LRP2: variants seen among roughly 807,000 people sequenced by gnomAD.
The protein encoded by LRP2 is low-density lipoprotein receptor-related protein 2.
Under a neutral mutation model 531.0 loss-of-function variants are expected in LRP2, and 172 were observed. The ratio of observed to expected loss-of-function variants is 0.32; its 90% CI spans 0.29 to 0.37. LRP2 has a LOEUF of 0.37. LRP2 is among the 10% of genes least tolerant of loss of function. The pLI, the probability that LRP2 is intolerant of heterozygous loss-of-function variation, is 1.00. For missense variants in LRP2, 5,167 were observed against 5,868.3 expected (o/e 0.88, Z 3.90); for synonymous variants, 1,992 against 2,027.6 (o/e 0.98, Z 0.47).
At chr2:169,234,894 T>C (rs1306422496) in intron 29 of LRP2, among the ~76,000 whole-genome samples, 2 of 148,756 alleles carry the variant, frequency 1.3e-5, no homozygotes, top group Admixed American at 6.8e-5. Context: ...CTGAGAAATA[T>C]AAATCTAGTT....
intron 34 of LRP2, among the ~76,000 whole-genome samples, chr2:169,217,006 T>C (rs562750973): frequency 2.0e-5 from 3 of 152,298 alleles, no homozygotes; most frequent in African/African-American, 7.2e-5. Context: ...CATGCTGTTA[T>C]GGGGTAAGGA....
At chr2:169,286,877 C>T (rs559655902) in intron 9 of LRP2, among the ~76,000 whole-genome samples, 41 of 152,246 alleles carry the variant, frequency 2.7e-4, no homozygotes, top group African/African-American at 9.9e-4. Context: ...GAGAATGTGG[C>T]TTCTGGTATT....
At chr2:169,282,751 T>G in intron 10 of LRP2, 122 bp downstream of exon 10, 2 of 1,087,986 alleles carry the variant, frequency 1.8e-6, no homozygotes, top group Non-Finnish European at 2.8e-6. Flanking sequence ...ATCCCTGATT[T>G]GTAATGATAA....
intron 65 of LRP2, among the ~76,000 whole-genome samples, chr2:169,154,982 C>T (rs944051446): frequency 2.0e-5 from 3 of 152,168 alleles, no homozygotes; most frequent in African/African-American, 7.2e-5. Context: ...AGAAGAAATA[C>T]TTTTATAGTC....
chr2:169,358,124 A>C (rs983821078), intron 1 of LRP2, among the ~76,000 whole-genome samples: 6 of 152,234 alleles, frequency 3.9e-5, no homozygotes, highest in Non-Finnish European at 8.8e-5. Flanking sequence ...TCTGCTTATC[A>C]GACTGTGCCT....
intron 46 of LRP2, among the ~76,000 whole-genome samples, chr2:169,194,155 A>C (rs1301827262): frequency 6.6e-6 from 1 of 152,212 alleles, no homozygotes; most frequent in East Asian, 1.9e-4. Context: ...TGGTAGAGAA[A>C]GAACACTTCT....
rs768869994 is a variant in LRP2 at position 169,168,621 on chromosome 2, G to A, written c.11553C>T (p.Asn3851=). 111 of 1,614,000 alleles carry A rather than the reference G, an allele frequency of 6.9e-5. No individual in the cohort carries two copies. The highest frequency in any genetic ancestry group is 1.6e-4 in the Middle Eastern group (1 of 6,084). ...TCCAATATGGCGGGATACAAACATG[G>A]TTTTTGCATTCGAACATAGTAGCCT... ...YCQATMFECK[N]HVCIPPYWKC... The change falls in exon 61 of 79, where the codon AAC becomes AAT. Residue 3851 remains asparagine (N), a synonymous_variant. Transcript: ENST00000649046.
intron 46 of LRP2, 127 bp downstream of exon 46, chr2:169,196,784 A>G: frequency 7.6e-7 from 1 of 1,316,228 alleles, no homozygotes; most frequent in Non-Finnish European, 1.1e-6. Flanking sequence ...AGCATTCCAG[A>G]TGAAAGCTGG....
At chr2:169,193,023 T>C (rs747300769) in intron 47 of LRP2, among the ~76,000 whole-genome samples, 11 of 152,152 alleles carry the variant, frequency 7.2e-5, no homozygotes, top group Non-Finnish European at 1.5e-4. Flanking sequence ...GTAATGAAAA[T>C]GATGTTCCAT....
rs1263504773 is a variant in LRP2, at chr2:169,220,519, A to C, written c.5583T>G (p.Ile1861Met). The change falls in exon 34 of 79, where the codon ATT becomes ATG. Residue 1861 changes from isoleucine (I) to methionine (M), a missense_variant. Around this residue, in one of 6 missense-constraint regions of LRP2, gnomAD observed 2,811 missense variants for 3,058.0 expected, o/e 0.92. Transcript: ENST00000649046. ...HGDIRYRKTL[I>M]ANDGTALGVG... ...CTCCAAGAGCTGTCCCATCATTGGC[A>C]ATCAATGTTTTTCTGTATCTGATAT... is the stretch of plus-strand genomic sequence containing the variant. The C allele has an allele frequency of 6.2e-7, 1 of 1,613,574 alleles. No homozygotes were observed. The highest frequency in any genetic ancestry group is 1.1e-5 in the South Asian group (1 of 91,068).
chr2:169,321,462 CAA>C (rs929689152), intron 1 of LRP2, among the ~76,000 whole-genome samples: 9 of 117,840 alleles, frequency 7.6e-5, no homozygotes, highest in Non-Finnish European at 5.5e-5. Flanking sequence ...GTTACATATG[CAA>C]AAAAAAAAAA....
At chr2:169,140,117 G>A (rs891761225) in intron 72 of LRP2, among the ~76,000 whole-genome samples, 3 of 152,172 alleles carry the variant, frequency 2.0e-5, no homozygotes, top group South Asian at 2.1e-4. Flanking sequence ...ACAATACCAG[G>A]TGAGTAGGAA....
chr2:169,313,003 G>T (rs1684657957), intron 3 of LRP2, among the ~76,000 whole-genome samples: 1 of 152,122 alleles, frequency 6.6e-6, no homozygotes, highest in African/African-American at 2.4e-5. Flanking sequence ...AACGGCTATT[G>T]ACGCTTGTGC....
At chr2:169,156,757 T>C (rs769584501) in intron 64 of LRP2, among the ~76,000 whole-genome samples, 2 of 152,200 alleles carry the variant, frequency 1.3e-5, no homozygotes, top group Non-Finnish European at 1.5e-5. Flanking sequence ...GTTCGGTGTC[T>C]CTTCACTTCT....
chr2:169,280,319 G>C (rs1683666789), intron 11 of LRP2, 31 bp downstream of exon 11: 1 of 1,612,836 alleles, frequency 6.2e-7, no homozygotes, highest in Non-Finnish European at 8.5e-7. Context: ...TGTGCTCAGG[G>C]TTCCATTCAG....
chr2:169,323,732 T>C (rs1224199318), intron 1 of LRP2, among the ~76,000 whole-genome samples: 2 of 148,264 alleles, frequency 1.3e-5, no homozygotes, highest in Admixed American at 1.3e-4. Context: ...GTTCAGAAAA[T>C]AGTCTCAAAA....
Position 169,283,144 on chromosome 2 carries a change from T to C in LRP2, c.1043-143A>G, listed in dbSNP as rs147447832. The C allele has an allele frequency of 5.5e-4, 428 of 777,962 alleles. 2 individuals are homozygous for C. In the African/African-American group the frequency reaches 6.7e-3, roughly 12 times the overall value. 48.2% of individuals were successfully genotyped at this position (777,962 alleles called of 1,614,324 possible). A position where few individuals can be genotyped will look rare whatever the true frequency, so the allele number is the denominator to read the frequency against. On this transcript the variant is annotated intron_variant, in intron 9 of 78. Transcript: ENST00000649046. ...ACCCTCTGGAATTAGGCACAGGTTCTGAGAATTTATAACAACCATCTTCAT... is the reference window on the plus strand; with the variant it reads ...ACCCTCTGGAATTAGGCACAGGTTCCGAGAATTTATAACAACCATCTTCAT...
chr2:169,340,194 A>G (rs1685527095), intron 1 of LRP2, among the ~76,000 whole-genome samples: 1 of 151,908 alleles, frequency 6.6e-6, no homozygotes, highest in Admixed American at 6.6e-5. Flanking sequence ...CAGTTTTTCC[A>G]TCATTCCCCC....
intron 13 of LRP2, among the ~76,000 whole-genome samples, chr2:169,276,970 G>A (rs761807747): frequency 2.8e-4 from 42 of 152,136 alleles, no homozygotes; most frequent in Admixed American, 2.6e-3. Context: ...TGAGGCAGGC[G>A]AATAACTTGA....
Sources: allele counts gnomAD v4.1 joint callset (sites outside exome capture counted in the v4.1 genomes callset), GRCh38; gene constraint gnomAD v4.1.1; regional missense constraint gnomAD v4.1.1; transcripts MANE v1.5; gene names NCBI Gene and HGNC (gene_info 2026-07-23, HGNC 2026-07-21).